The following ATP11C variants were observed in gnomAD, a reference collection of about 807,000 sequenced individuals.
ATP11C encodes phospholipid-transporting ATPase IG.
A neutral mutation model predicts 97.4 loss-of-function variants in ATP11C; 36 were observed. That is an observed-to-expected ratio of 0.37 (90% confidence interval 0.28 to 0.49). The LOEUF (loss-of-function observed/expected upper bound fraction) is 0.49. ATP11C is among the 20% of genes least tolerant of loss of function. The pLI is 0.98. For missense variants in ATP11C, 730 were observed against 824.6 expected, an observed-to-expected ratio of 0.89 and a Z score of 1.40; for synonymous variants, 275 against 290.9, an observed-to-expected ratio of 0.95 and a Z score of 0.56.
At chrX:139,788,407 G>T in intron 13 of ATP11C, 64 bp from the exon 14 acceptor site, 1 of 983,762 alleles carries the variant, frequency 1.0e-6, no homozygotes, top group South Asian at 2.1e-5. Context: ...ACTAGGCAGT[G>T]AACGGAGAAA....
chrX:139,754,668 A>G (rs2081893451), intron 23 of ATP11C, among the ~76,000 whole-genome samples: 1 of 112,610 alleles, frequency 8.9e-6, no homozygotes. Context: ...GGCAGGCTTT[A>G]TCACTAGAAT....
chrX:139,776,548 A>G (rs959997161), intron 18 of ATP11C, among the ~76,000 whole-genome samples: 11 of 111,372 alleles, frequency 9.9e-5, no homozygotes, highest in African/African-American at 3.6e-4. Flanking sequence ...TCATCTTCCT[A>G]CCTGCACAGG....
In ATP11C at chrX:139,816,896, A is replaced by C; in HGVS notation, c.285T>G (p.Leu95=). 8.3e-7 allele frequency: 1 copy of C among 1,203,340 alleles called. No homozygotes were observed. Among genetic ancestry groups the C allele is most frequent in the Non-Finnish European group, 1.1e-6 (1 of 889,716 alleles). ...TGGCTGTAACAGTTATAACAAAGAA[A>C]AGTGGAAGTCCACTGGTAACTGGGC... ...PTSPVTSGLP[L]FFVITVTAIK... Residue 95 remains leucine (L), a synonymous_variant, in exon 4 of 30, where the codon CTT becomes CTG. Coordinates refer to ENST00000682941, the MANE Select transcript of ATP11C (RefSeq NM_001353812.2).
intron 1 of ATP11C, among the ~76,000 whole-genome samples, chrX:139,836,194 C>T (rs752361088): frequency 1.8e-5 from 2 of 110,047 alleles, no homozygotes; most frequent in East Asian, 2.9e-4. Flanking sequence ...CTAATACACA[C>T]GAGAAGACAA....
At chrX:139,788,127 A>T in intron 14 of ATP11C, 65 bp downstream of exon 14, 1 of 1,022,946 alleles carries the variant, frequency 9.8e-7, no homozygotes, top group East Asian at 3.2e-5. Context: ...ACGGAAAAAA[A>T]CAAATAACTT....
intron 1 of ATP11C, among the ~76,000 whole-genome samples, chrX:139,868,086 C>A (rs774201452): frequency 8.9e-6 from 1 of 112,123 alleles, no homozygotes; most frequent in East Asian, 2.8e-4. Flanking sequence ...TTTGGACACA[C>A]TGCATATCTA....
At chrX:139,793,907 C>A (rs2082741912) in intron 12 of ATP11C, among the ~76,000 whole-genome samples, 1 of 111,268 alleles carries the variant, frequency 9.0e-6, no homozygotes, top group African/African-American at 3.3e-5. Flanking sequence ...TTGTTTACTT[C>A]ATAATAATAC....
intron 25 of ATP11C, among the ~76,000 whole-genome samples, chrX:139,744,488 G>A (rs1046078116): frequency 1.8e-5 from 2 of 112,021 alleles, no homozygotes; most frequent in Non-Finnish European, 3.8e-5. Flanking sequence ...AAAGTTTGCT[G>A]AGCAAATGAA....
chrX:139,785,774 T>C (rs1419333962), intron 15 of ATP11C, among the ~76,000 whole-genome samples: 1 of 111,493 alleles, frequency 9.0e-6, no homozygotes, highest in Non-Finnish European at 1.9e-5. Flanking sequence ...GTTTCTCAAA[T>C]ACTGTAATAA....
intron 13 of ATP11C, among the ~76,000 whole-genome samples, chrX:139,788,975 T>C (rs185055475): frequency 9.0e-6 from 1 of 111,104 alleles, no homozygotes; most frequent in East Asian, 2.8e-4. Flanking sequence ...CGGAGGGTGG[T>C]GGATTACCTG....
At chrX:139,851,705 G>A (rs568681144) in intron 1 of ATP11C, among the ~76,000 whole-genome samples, 1 of 111,798 alleles carries the variant, frequency 8.9e-6, no homozygotes, top group East Asian at 2.8e-4. Flanking sequence ...GAGGCCTTGG[G>A]GGCCAAATCT....
At chrX:139,742,873 AAAAATAT>A (rs1307655364) in intron 26 of ATP11C, among the ~76,000 whole-genome samples, 43 of 26,376 alleles carry the variant, frequency 1.6e-3, no homozygotes, top group African/African-American at 4.2e-3. Context: ...TTAAAAAAAA[AAAAATAT>A]ATATATATAT....
At chrX:139,905,308 G>C (rs1019884720) in intron 1 of ATP11C, among the ~76,000 whole-genome samples, 5 of 111,999 alleles carry the variant, frequency 4.5e-5, no homozygotes, top group African/African-American at 1.3e-4. Context: ...AATTCCTTTT[G>C]AGAGCATTAT....
intron 1 of ATP11C, among the ~76,000 whole-genome samples, chrX:139,880,337 GA>G (rs1210589128): frequency 9.0e-6 from 1 of 111,707 alleles, no homozygotes; most frequent in African/African-American, 3.3e-5. Context: ...GTGAGTATGA[GA>G]TGTCTTTGGG....
At position 139,728,659 on chromosome X, in the gene ATP11C, G is replaced by A. The variant is rs1242811599; in HGVS notation, c.*307C>T. 1 of 293,159 alleles carries A rather than the reference G, an allele frequency of 3.4e-6. No homozygotes were observed. The highest frequency in any genetic ancestry group is 2.7e-5 in the African/African-American group (1 of 37,667). 24.2% of individuals were successfully genotyped at this position (293,159 alleles called of 1,213,427 possible). On this transcript the variant is annotated 3_prime_UTR_variant, in exon 30 of 30. Transcript: ENST00000682941. ...ATGGGTTAAAAGAGCACCCATTTGA[G>A]TTATATTACTCTAACTAAAGCCAGA...
chrX:139,798,608 T>C, intron 9 of ATP11C, 71 bp downstream of exon 9: 1 of 852,512 alleles, frequency 1.2e-6, no homozygotes, highest in South Asian at 2.5e-5. Flanking sequence ...GTTTACTTTT[T>C]AATATGCACT....
chrX:139,861,560 A>C (rs1171411181), intron 1 of ATP11C, among the ~76,000 whole-genome samples: 2 of 111,454 alleles, frequency 1.8e-5, no homozygotes, highest in East Asian at 2.8e-4. Context: ...TGATGTAGGT[A>C]GTTATTAATT....
intron 1 of ATP11C, among the ~76,000 whole-genome samples, chrX:139,873,516 T>C (rs1048752174): frequency 9.1e-6 from 1 of 109,457 alleles, no homozygotes; most frequent in African/African-American, 3.3e-5. Flanking sequence ...GAGACCAGCC[T>C]GGCCAACATG....
At chrX:139,777,682 T>TGCTACACAAGATGACCATCA (rs1325496044) in intron 18 of ATP11C, among the ~76,000 whole-genome samples, 2 of 110,321 alleles carry the variant, frequency 1.8e-5, no homozygotes, top group Non-Finnish European at 3.8e-5. Context: ...AACTGTGATA[T>TGCTACACAAGATGACCATCA]GCTACACAAG....
Sources: gnomAD v4.1 joint callset for allele counts (sites outside exome capture counted in the v4.1 genomes callset) on GRCh38, gnomAD v4.1.1 for gene constraint, MANE v1.5 for transcripts, NCBI Gene and HGNC (gene_info 2026-07-23, HGNC 2026-07-21) for gene names.